Variants in TTC28 observed in about 807,000 individuals in gnomAD.
The protein encoded by TTC28 is tetratricopeptide repeat protein 28.
A neutral mutation model predicts 198.0 loss-of-function variants in TTC28; 61 were observed. The observed-to-expected ratio is 0.31, with a 90% CI of 0.25 to 0.38. The LOEUF (loss-of-function observed/expected upper bound fraction) is 0.38, where lower values mean the gene tolerates loss of function less well. TTC28 is among the 10% of genes least tolerant of loss of function. TTC28 has a pLI of 1.00. For synonymous variants in TTC28, 1,171 were observed against 1,297.8 expected (o/e 0.90, Z 2.10); for missense variants, 2,678 against 3,164.0 (o/e 0.85, Z 3.69).
intron 2 of TTC28, among the ~76,000 whole-genome samples, chr22:28,393,904 C>A (rs1392300999): frequency 6.6e-6 from 1 of 151,994 alleles, no homozygotes; most frequent in Non-Finnish European, 1.5e-5. Context: ...GCTCCACTTA[C>A]CTTTTTGTTT....
chr22:28,448,492 T>C (rs562679340), intron 2 of TTC28, among the ~76,000 whole-genome samples: 2 of 152,142 alleles, frequency 1.3e-5, no homozygotes, highest in Non-Finnish European at 2.9e-5. Context: ...AATTCAAAAT[T>C]TGTTCAAAAA....
In TTC28 at chr22:28,091,300, C is replaced by T. The variant is rs1485839721; in HGVS notation, c.3932+2780G>A. On this transcript the variant is annotated intron_variant, in intron 12 of 22. Coordinates refer to ENST00000397906, the MANE Select transcript of TTC28 (RefSeq NM_001145418.2). ...GAAGAGTGAGACCAAGGGTAATCCT[C>T]TTCTTTCTCCTGGTGAATTTTAATC... Among the ~76,000 whole-genome samples, 3 of 152,220 alleles carry T rather than the reference C, an allele frequency of 2.0e-5. No homozygotes were observed. In the East Asian group the frequency reaches 5.8e-4, roughly 29 times the overall value.
chr22:27,992,869 G>T, intron 18 of TTC28: 1 of 608,450 alleles, frequency 1.6e-6, no homozygotes, highest in Non-Finnish European at 2.9e-6. Flanking sequence ...GTTGAGTCCT[G>T]ACCCTGCCGC....
intron 2 of TTC28, among the ~76,000 whole-genome samples, chr22:28,445,079 T>C (rs2047683492): frequency 6.6e-6 from 1 of 152,232 alleles, no homozygotes; most frequent in East Asian, 1.9e-4. Flanking sequence ...ACCATTATTA[T>C]TCCAGGATCA....
At chr22:28,524,627 A>T (rs1030032099) in intron 2 of TTC28, among the ~76,000 whole-genome samples, 27 of 152,142 alleles carry the variant, frequency 1.8e-4, no homozygotes, top group African/African-American at 5.6e-4. Context: ...AATACAAAAA[A>T]AGTATTTAAA....
At chr22:28,405,164 G>A (rs1438163616) in intron 2 of TTC28, among the ~76,000 whole-genome samples, 1 of 152,128 alleles carries the variant, frequency 6.6e-6, no homozygotes, top group South Asian at 2.1e-4. Flanking sequence ...TCATCATGCA[G>A]AAGGTTTTTT....
At chr22:28,639,821 A>G (rs2051334128) in intron 1 of TTC28, among the ~76,000 whole-genome samples, 1 of 152,188 alleles carries the variant, frequency 6.6e-6, no homozygotes, top group Admixed American at 6.5e-5. Context: ...GGACTAATAC[A>G]TGTATTTTCA....
chr22:28,046,570 C>A (rs1211123593), intron 12 of TTC28, among the ~76,000 whole-genome samples: 1 of 152,162 alleles, frequency 6.6e-6, no homozygotes, highest in Non-Finnish European at 1.5e-5. Context: ...AAAATTGATT[C>A]TAAAGGTAAC....
At chr22:28,418,921 T>A (rs2146162238) in intron 2 of TTC28, among the ~76,000 whole-genome samples, 1 of 152,268 alleles carries the variant, frequency 6.6e-6, no homozygotes, top group East Asian at 1.9e-4. Context: ...GAAGGTTATC[T>A]TCCAAACCTG....
intron 2 of TTC28, among the ~76,000 whole-genome samples, chr22:28,354,510 CA>C (rs893072888): frequency 1.3e-5 from 2 of 151,862 alleles, no homozygotes; most frequent in South Asian, 2.1e-4. Context: ...AAGAGGTTAT[CA>C]GGGGCTGGGG....
intron 2 of TTC28, among the ~76,000 whole-genome samples, chr22:28,439,992 G>A (rs749887452): frequency 1.3e-5 from 2 of 152,092 alleles, no homozygotes; most frequent in Non-Finnish European, 2.9e-5. Flanking sequence ...CCGTCACTAC[G>A]ACTGGCTAAT....
chr22:28,001,571 A>G lies in TTC28; in HGVS notation c.4219-18T>C, dbSNP rs1304644739. 6.5e-7 allele frequency: 1 copy of G among 1,543,630 alleles called. No individual in the cohort carries two copies. ...ATCAGGCCCTATGGAGCAAGCACGGAGAGGCTGACATGGGTGGCCCAGCAG... is the reference window on the plus strand; with the variant it reads ...ATCAGGCCCTATGGAGCAAGCACGGGGAGGCTGACATGGGTGGCCCAGCAG... On this transcript the variant is annotated intron_variant, in intron 14 of 22. Coordinates refer to ENST00000397906, the MANE Select transcript of TTC28 (RefSeq NM_001145418.2).
chr22:28,037,131 A>G (rs1939391788), intron 12 of TTC28, among the ~76,000 whole-genome samples: 1 of 152,222 alleles, frequency 6.6e-6, no homozygotes, highest in African/African-American at 2.4e-5. Context: ...TATTCCAATC[A>G]ATAGAAAAAG....
intron 2 of TTC28, among the ~76,000 whole-genome samples, chr22:28,474,242 A>T (rs966599974): frequency 7.9e-5 from 12 of 152,244 alleles, no homozygotes; most frequent in African/African-American, 2.9e-4. Context: ...GACTTAGCAG[A>T]ACCAAAGAAC....
At chr22:28,097,996 G>C (rs921626575) in intron 10 of TTC28, among the ~76,000 whole-genome samples, 2 of 152,200 alleles carry the variant, frequency 1.3e-5, no homozygotes, top group Non-Finnish European at 2.9e-5. Context: ...TACAGCAAAA[G>C]ACAGGTTATC....
chr22:28,555,688 A>C (rs1316773374), intron 2 of TTC28, among the ~76,000 whole-genome samples: 1 of 152,168 alleles, frequency 6.6e-6, no homozygotes, highest in African/African-American at 2.4e-5. Context: ...TTTGGGGATT[A>C]CAGGGAAAGG....
At chr22:28,120,572 G>A (rs1942758307) in intron 6 of TTC28, among the ~76,000 whole-genome samples, 2 of 152,126 alleles carry the variant, frequency 1.3e-5, no homozygotes, top group South Asian at 4.1e-4. Context: ...ATTCAACTGT[G>A]CAACCCAGGG....
chr22:28,477,471 T>G (rs999729181), intron 2 of TTC28, among the ~76,000 whole-genome samples: 1 of 152,150 alleles, frequency 6.6e-6, no homozygotes, highest in Non-Finnish European at 1.5e-5. Context: ...CAATGTTTGT[T>G]AGAAATGTCA....
chr22:28,521,011 C>T (rs1327249794), intron 2 of TTC28, among the ~76,000 whole-genome samples: 1 of 152,112 alleles, frequency 6.6e-6, no homozygotes, highest in Non-Finnish European at 1.5e-5. Context: ...CAAAATGTGC[C>T]GCTGCACTCC....
Sources: gnomAD v4.1 joint callset for allele counts (sites outside exome capture counted in the v4.1 genomes callset) on GRCh38, gnomAD v4.1.1 for gene constraint, MANE v1.5 for transcripts, NCBI Gene and HGNC (gene_info 2026-07-23, HGNC 2026-07-21) for gene names.